Variants in PTPRT observed in about 807,000 individuals in gnomAD.
The protein encoded by PTPRT is receptor-type tyrosine-protein phosphatase T.
PTPRT carries 56 observed loss-of-function variants against 176.8 expected under a neutral mutation model. The ratio of observed to expected loss-of-function variants is 0.32; its 90% CI spans 0.26 to 0.40. The LOEUF (loss-of-function observed/expected upper bound fraction) is 0.40. Ranked by LOEUF, PTPRT falls within the 10% of genes least tolerant of loss-of-function variation. The pLI, the probability that PTPRT is intolerant of heterozygous loss-of-function variation, is 1.00. For missense variants in PTPRT, 1,540 were observed against 1,908.2 expected (o/e 0.81, Z 3.60); for synonymous variants, 783 against 739.0 (o/e 1.06, Z -0.96).
chr20:42,862,461 T>C (rs2078679311), intron 2 of PTPRT, among the ~76,000 whole-genome samples: 1 of 152,156 alleles, frequency 6.6e-6, no homozygotes, highest in Admixed American at 6.5e-5. Flanking sequence ...CTATTGTGTG[T>C]CCTCAAGCAA....
chr20:42,645,816 CAG>C (rs928776821), intron 7 of PTPRT, among the ~76,000 whole-genome samples: 4 of 124,882 alleles, frequency 3.2e-5, no homozygotes, highest in African/African-American at 1.4e-4. Flanking sequence ...GGAGGGGTGA[CAG>C]AGAGAGAGAG....
chr20:42,254,388 C>A (rs2056601395), intron 13 of PTPRT, among the ~76,000 whole-genome samples: 1 of 152,210 alleles, frequency 6.6e-6, no homozygotes, highest in Admixed American at 6.5e-5. Flanking sequence ...TCAGCAGCTG[C>A]ATTGTAACAA....
At chr20:43,177,619 A>G (rs2015151909) in intron 1 of PTPRT, among the ~76,000 whole-genome samples, 1 of 152,238 alleles carries the variant, frequency 6.6e-6, no homozygotes, top group African/African-American at 2.4e-5. Flanking sequence ...AAATGCTTCA[A>G]TGCTCATCAA....
At chr20:42,292,201 A>T (rs2057327384) in intron 12 of PTPRT, among the ~76,000 whole-genome samples, 1 of 150,958 alleles carries the variant, frequency 6.6e-6, no homozygotes, top group South Asian at 2.1e-4. Context: ...CCACAAACTG[A>T]CTCTCCTTGA....
chr20:42,837,855 C>T (rs943860234), intron 2 of PTPRT, among the ~76,000 whole-genome samples: 1 of 151,984 alleles, frequency 6.6e-6, no homozygotes, highest in Non-Finnish European at 1.5e-5. Flanking sequence ...AGGAGGAAAA[C>T]GGGATAGGAT....
At chr20:42,474,263 A>C (rs1238443679) in intron 7 of PTPRT, among the ~76,000 whole-genome samples, 1 of 152,178 alleles carries the variant, frequency 6.6e-6, no homozygotes, top group Admixed American at 6.5e-5. Context: ...ATTTAAGGGT[A>C]AGGCTACCTC....
intron 14 of PTPRT, among the ~76,000 whole-genome samples, chr20:42,242,342 C>T (rs1400725419): frequency 6.6e-6 from 1 of 152,182 alleles, no homozygotes; most frequent in Non-Finnish European, 1.5e-5. Context: ...TCCCATTCAA[C>T]ATGTTTTTAG....
At chr20:43,175,115 A>G (rs1246799320) in intron 1 of PTPRT, among the ~76,000 whole-genome samples, 1 of 152,212 alleles carries the variant, frequency 6.6e-6, no homozygotes. Context: ...AGGCTGTCCT[A>G]TGAAAGAATC....
chr20:42,792,695 C>T (rs2077394713), intron 2 of PTPRT, among the ~76,000 whole-genome samples: 1 of 152,174 alleles, frequency 6.6e-6, no homozygotes, highest in African/African-American at 2.4e-5. Context: ...CTTAAGACCA[C>T]TTATCCTCAG....
At chr20:42,560,473 T>C (rs898021229) in intron 7 of PTPRT, among the ~76,000 whole-genome samples, 4 of 152,200 alleles carry the variant, frequency 2.6e-5, no homozygotes, top group Non-Finnish European at 5.9e-5. Context: ...CTACTCACTG[T>C]GTGCCAGTAG....
chr20:42,817,363 G>GTTT (rs35081877), intron 2 of PTPRT, among the ~76,000 whole-genome samples: 74 of 138,068 alleles, frequency 5.4e-4, no homozygotes, highest in African/African-American at 1.2e-3. Context: ...ATCATGTTTG[G>GTTT]TTTTTTTTTT....
chr20:43,170,020 T>C (rs923901987), intron 1 of PTPRT, among the ~76,000 whole-genome samples: 2 of 152,098 alleles, frequency 1.3e-5, no homozygotes, highest in African/African-American at 4.8e-5. Flanking sequence ...GTCTGGTATA[T>C]AGTTACCATT....
chr20:43,177,392 T>C (rs1256706972), intron 1 of PTPRT, among the ~76,000 whole-genome samples: 2 of 152,130 alleles, frequency 1.3e-5, no homozygotes, highest in Non-Finnish European at 2.9e-5. Context: ...CCAGAAAAGA[T>C]GAAACCCCAG....
chr20:42,763,186 G>A (rs890861285), intron 5 of PTPRT, among the ~76,000 whole-genome samples: 4 of 152,124 alleles, frequency 2.6e-5, no homozygotes, highest in African/African-American at 9.7e-5. Context: ...TTGCCATTTT[G>A]CAATTCCCCA....
At chr20:42,834,216 A>C (rs1404925394) in intron 2 of PTPRT, among the ~76,000 whole-genome samples, 3 of 152,198 alleles carry the variant, frequency 2.0e-5, no homozygotes, top group African/African-American at 7.2e-5. Flanking sequence ...ATTACTAAAG[A>C]AGATGTACAG....
intron 1 of PTPRT, among the ~76,000 whole-genome samples, chr20:42,981,534 G>C (rs1204717549): frequency 6.6e-6 from 1 of 152,210 alleles, no homozygotes; most frequent in Admixed American, 6.5e-5. Context: ...TGTTGCACTT[G>C]GAAGCCTGAG....
At chr20:42,926,973 C>T (rs1979526278) in intron 1 of PTPRT, among the ~76,000 whole-genome samples, 1 of 152,106 alleles carries the variant, frequency 6.6e-6, no homozygotes, top group Non-Finnish European at 1.5e-5. Context: ...AGGATGTTTC[C>T]CTGCTGGCAC....
At chr20:42,941,088 A>AAAAT (rs1555807280) in intron 1 of PTPRT, among the ~76,000 whole-genome samples, 9 of 150,472 alleles carry the variant, frequency 6.0e-5, no homozygotes, top group African/African-American at 2.2e-4. Flanking sequence ...TCTCAAAAAA[A>AAAAT]AATAATAATA....
At chr20:42,693,237 T>C (rs1282548844) in intron 6 of PTPRT, among the ~76,000 whole-genome samples, 1 of 152,222 alleles carries the variant, frequency 6.6e-6, no homozygotes, top group Non-Finnish European at 1.5e-5. Context: ...AATGGAGAGA[T>C]ATTCCATGCT....
Sources: allele counts gnomAD v4.1 joint callset (sites outside exome capture counted in the v4.1 genomes callset), GRCh38; gene constraint gnomAD v4.1.1; transcripts MANE v1.5; gene names NCBI Gene and HGNC (gene_info 2026-07-23, HGNC 2026-07-21).